Variants in TRIP10 observed in about 807,000 individuals in gnomAD.
TRIP10 encodes cdc42-interacting protein 4.
Under a neutral mutation model 80.9 loss-of-function variants are expected in TRIP10, and 54 were observed. The observed-to-expected ratio is 0.67, with a 90% CI of 0.54 to 0.84. TRIP10 has a LOEUF of 0.84. TRIP10 is among the 40% of genes least tolerant of loss of function. The pLI, the probability that TRIP10 is intolerant of heterozygous loss-of-function variation, is 0.00. For synonymous variants in TRIP10, 321 were observed against 307.2 expected (o/e 1.04, Z -0.47); for missense variants, 773 against 815.3 (o/e 0.95, Z 0.63).
In TRIP10 at chr19:6,743,502, T is replaced by C. The variant is rs1403752232; in HGVS notation, c.417T>C (p.Arg139=). The change falls in exon 6 of 15, where the codon CGT becomes CGC. Residue 139 remains arginine (R), a synonymous_variant. Coordinates refer to ENST00000313244, the MANE Select transcript of TRIP10 (RefSeq NM_001288962.2). ...NGFKQLENSK[R]KFERDCREAE... The stretch of plus-strand genomic sequence containing the variant: ...TTCTGTCCCCTACACAGAGTAAGCG[T>C]AAATTTGAGCGGGACTGCCGGGAGG... 6.2e-7 allele frequency: 1 copy of C among 1,612,920 alleles called. No homozygotes were observed. The highest frequency in any genetic ancestry group is 1.3e-5 in the African/African-American group (1 of 74,574).
At chr19:6,741,819 G>GTTGTT (rs374674247) in intron 3 of TRIP10, among the ~76,000 whole-genome samples, 2 of 151,970 alleles carry the variant, frequency 1.3e-5, no homozygotes, top group Non-Finnish European at 2.9e-5. Context: ...GTTAATTGTA[G>GTTGTT]TTGTTTTGTT....
chr19:6,741,217 C>T lies in TRIP10; in HGVS notation c.141-8C>T. 2 of 1,612,606 alleles carry T rather than the reference C, an allele frequency of 1.2e-6. No individual in the cohort carries two copies. Among genetic ancestry groups the T allele is most frequent in the East Asian group, 2.2e-5 (1 of 44,834 alleles). ...GGGCTCAGCCCTCCTACCTCTGTCT[C>T]CCCTTAGGAGCCTGGTGAAAAAATA... On this transcript the variant is annotated splice_region_variant and splice_polypyrimidine_tract_variant and intron_variant, in intron 2 of 14. Transcript: ENST00000313244.
At chr19:6,740,980 C>A (rs755940023) in intron 1 of TRIP10, 30 bp from the exon 2 acceptor site, 2 of 1,593,606 alleles carry the variant, frequency 1.3e-6, no homozygotes, top group African/African-American at 1.3e-5. Flanking sequence ...CGGCCCCTCT[C>A]CCCTCCTCCC....
rs1247942534 is a variant in TRIP10, at chr19:6,745,082, GAA to G, written c.984+89_984+90del. On this transcript the variant is annotated intron_variant, in intron 9 of 14. Transcript: ENST00000313244. This position sits in a 1 kb window ranked among gnomAD's most constrained non-coding sequence, Gnocchi z 7.2. ...CCTATTGAGTCAGCCCCAGCCGCCT[GAA>G]CGCCGAGTCTCGGGCAGGAATTTTC... The G allele has an allele frequency of 4.1e-6, 6 of 1,468,932 alleles. No individual in the cohort carries two copies. In the African/African-American group the frequency reaches 8.5e-5, roughly 21 times the overall value. 91.0% of individuals were successfully genotyped at this position (1,468,932 alleles called of 1,614,324 possible). A position where few individuals can be genotyped will look rare whatever the true frequency, so the allele number is the denominator to read the frequency against.
At chr19:6,742,304 C>T (rs974696269) in intron 3 of TRIP10, among the ~76,000 whole-genome samples, 4 of 151,678 alleles carry the variant, frequency 2.6e-5, no homozygotes, top group South Asian at 2.1e-4. Context: ...GCATGAGAAT[C>T]GCTTGAACCC....
rs1969189411 is a variant in TRIP10, at chr19:6,748,065, C to G, written c.1262+1504C>G. 2.0e-5 allele frequency among the ~76,000 whole-genome samples: 3 copies of G among 151,980 alleles called. No individual in the cohort carries two copies. In the East Asian group the frequency reaches 5.8e-4, roughly 29 times the overall value. On this transcript the variant is annotated intron_variant, in intron 11 of 14. Transcript: ENST00000313244. ...GTTCAATATCAAAAAATGTATCCAT[C>G]TAGTTCACCACATTAATTGGCTAAA...
At position 6,745,607 on chromosome 19, in the gene TRIP10, G is replaced by C. The variant is rs1969094582; in HGVS notation, c.985-422G>C. ...CCTCTGTGGCCTCTTACCTGTCTGA[G>C]ACCTTGATTCCTGCATGCGTCTTCT... is the stretch of plus-strand genomic sequence containing the variant. On this transcript the variant is annotated intron_variant, in intron 9 of 14. Transcript: ENST00000313244. The surrounding 1 kb of genome is among the most constrained non-coding windows in gnomAD (Gnocchi z 7.2). 3 of 985,080 alleles carry C rather than the reference G, an allele frequency of 3.0e-6. No individual in the cohort carries two copies. The highest frequency in any genetic ancestry group is 3.6e-6 in the Non-Finnish European group (3 of 829,920). The allele number at this position is 985,080 out of a possible 1,614,324, so 61.0% of individuals were successfully genotyped here. A position where few individuals can be genotyped will look rare whatever the true frequency, so the allele number is the denominator to read the frequency against.
chr19:6,746,004 C>T lies in TRIP10; in HGVS notation c.985-25C>T, dbSNP rs1196367788. The T allele has an allele frequency of 1.0e-5, 6 of 581,678 alleles. No individual in the cohort carries two copies. The highest frequency in any genetic ancestry group is 2.3e-5 in the African/African-American group (1 of 44,186). The allele number at this position is 581,678 out of a possible 1,614,324, so 36.0% of individuals were successfully genotyped here. ...ATGCCCCCCCACCCCTTCAACCTATCCCCCTCCCCGGCCCCCGCCGGTAGC... is the reference window on the plus strand; with the variant it reads ...ATGCCCCCCCACCCCTTCAACCTATTCCCCTCCCCGGCCCCCGCCGGTAGC... On this transcript the variant is annotated intron_variant, in intron 9 of 14. Transcript: ENST00000313244. The surrounding 1 kb of genome is among the most constrained non-coding windows in gnomAD (Gnocchi z 6.2).
At position 6,746,241 on chromosome 19, in the gene TRIP10, C is replaced by T. The variant is rs1969127874; in HGVS notation, c.1152+45C>T. ...AGGAGGAGGTGGTGGCCCTAGCCTG[C>T]CCAGCGGCGGGTGGCGGGACCCTGG... is the stretch of plus-strand genomic sequence containing the variant. On this transcript the variant is annotated intron_variant, in intron 10 of 14. Transcript: ENST00000313244. The surrounding 1 kb of genome is among the most constrained non-coding windows in gnomAD (Gnocchi z 6.2). 6.7e-7 allele frequency: 1 copy of T among 1,491,130 alleles called. No individual in the cohort carries two copies. Among genetic ancestry groups the T allele is most frequent in the African/African-American group, 1.4e-5 (1 of 71,480 alleles). The allele number at this position is 1,491,130 out of a possible 1,614,324, so 92.4% of individuals were successfully genotyped here. A position where few individuals can be genotyped will look rare whatever the true frequency, so the allele number is the denominator to read the frequency against.
chr19:6,744,442 C>G lies in TRIP10; in HGVS notation c.643-112C>G. Reference sequence around the variant, plus strand: ...TCCCGACTCTGTCTTCCCCTCCAGACTGGCTTGGGGCTGGGGCCAGCGTGG... The same window carrying G: ...TCCCGACTCTGTCTTCCCCTCCAGAGTGGCTTGGGGCTGGGGCCAGCGTGG... On this transcript the variant is annotated intron_variant, in intron 7 of 14. Transcript: ENST00000313244. The surrounding 1 kb of genome is among the most constrained non-coding windows in gnomAD (Gnocchi z 4.9). The G allele has an allele frequency of 6.8e-7, 1 of 1,474,928 alleles. No individual in the cohort carries two copies. The highest frequency in any genetic ancestry group is 1.8e-5 in the Admixed American group (1 of 55,326). 91.4% of individuals were successfully genotyped at this position (1,474,928 alleles called of 1,614,324 possible).
rs1318185825 is a variant in TRIP10 at position 6,750,381 on chromosome 19, C to T, written c.1485C>T (p.Ser495=). The T allele has an allele frequency of 6.8e-6, 11 of 1,614,032 alleles. No individual in the cohort carries two copies. Among genetic ancestry groups the T allele is most frequent in the Admixed American group, 1.7e-5 (1 of 60,008 alleles). ...CCCGGCCTCCCGACCCCCCCGCTAG[C>T]GCCCCGCCAGACAGCAGCAGCAACA... ...RHARPPDPPA[S]APPDSSSNSA... is the part of the protein sequence containing the mutation. The change falls in exon 13 of 15, where the codon AGC becomes AGT. Residue 495 remains serine (S), a synonymous_variant. Transcript: ENST00000313244.
chr19:6,751,053 C>G lies in TRIP10; in HGVS notation c.1658-10C>G. On this transcript the variant is annotated splice_polypyrimidine_tract_variant and intron_variant, in intron 14 of 14. Transcript: ENST00000313244. ...AAGCAGATCTGGGCCCACCCCCACC[C>G]CCATCACAGGGTCCAGCGAGGGCAC... 6.5e-7 allele frequency: 1 copy of G among 1,527,312 alleles called. No individual in the cohort carries two copies. The highest frequency in any genetic ancestry group is 1.4e-5 in the African/African-American group (1 of 71,448). The allele number at this position is 1,527,312 out of a possible 1,614,324, so 94.6% of individuals were successfully genotyped here. A position where few individuals can be genotyped will look rare whatever the true frequency, so the allele number is the denominator to read the frequency against.
intron 12 of TRIP10, 47 bp downstream of exon 12, chr19:6,750,113 A>T (rs1969238275): frequency 3.5e-6 from 2 of 577,934 alleles, no homozygotes; most frequent in African/African-American, 6.1e-5. Context: ...GGCCTGGCTG[A>T]GTCACTGCTG....
In TRIP10 at chr19:6,751,232, A is replaced by T; in HGVS notation, c.*21A>T. 1 of 1,613,586 alleles carries T rather than the reference A, an allele frequency of 6.2e-7. No homozygotes were observed. Among genetic ancestry groups the T allele is most frequent in the Non-Finnish European group, 8.5e-7 (1 of 1,179,882 alleles). ...ATTGAACCCTGCCAGAGACGGGAAG[A>T]GGGGGGCTGTCGGCTGCTGCTTCTG... On this transcript the variant is annotated 3_prime_UTR_variant, in exon 15 of 15. Coordinates refer to ENST00000313244, the MANE Select transcript of TRIP10 (RefSeq NM_001288962.2).
chr19:6,740,802 G>C (rs1968891893), intron 1 of TRIP10: 1 of 560,488 alleles, frequency 1.8e-6, no homozygotes, highest in Non-Finnish European at 3.2e-6. Flanking sequence ...GGGCCTGGGC[G>C]CTGTTCTCCG....
Position 6,744,559 on chromosome 19 carries a change from C to T in TRIP10, c.648C>T (p.Leu216=). The T allele has an allele frequency of 1.9e-6, 3 of 1,614,138 alleles. No individual in the cohort carries two copies. The highest frequency in any genetic ancestry group is 2.5e-6 in the Non-Finnish European group (3 of 1,180,040). The change falls in exon 8 of 15, where the codon CTC becomes CTT. Residue 216 remains leucine (L), a synonymous_variant. Transcript: ENST00000313244. The surrounding 1 kb of genome is among the most constrained non-coding windows in gnomAD (Gnocchi z 4.9). The part of the protein sequence containing the change: ...FSQMPQIFDK[L]QDMDERRATR... The stretch of plus-strand genomic sequence containing the variant: ...CCTTGTCCCTGTCCTTACAGAAGCT[C>T]CAAGACATGGATGAACGCAGGGCCA...
At position 6,743,539 on chromosome 19, in the gene TRIP10, G is replaced by A. The variant is rs1968992434; in HGVS notation, c.454G>A (p.Ala152Thr). ...ERDCREAEKAAQTAERLDQDI... is the reference protein window; with the variant it reads ...ERDCREAEKATQTAERLDQDI... ...GGACTGCCGGGAGGCAGAGAAGGCA[G>A]CCCAGACTGCTGAACGGCTAGACCA... The change falls in exon 6 of 15, where the codon GCC becomes ACC. Residue 152 changes from alanine to threonine, a missense_variant. Physicochemically the swap from Ala to Thr is moderately conservative, Grantham distance 58. Transcript: ENST00000313244. The A allele has an allele frequency of 2.6e-6, 4 of 1,560,310 alleles. No homozygotes were observed. Among genetic ancestry groups the A allele is most frequent in the Non-Finnish European group, 3.5e-6 (4 of 1,149,342 alleles).
At chr19:6,740,832 G>C (rs1968892886) in intron 1 of TRIP10, 178 bp from the exon 2 acceptor site, 2 of 589,814 alleles carry the variant, frequency 3.4e-6, no homozygotes, top group Admixed American at 3.1e-5. Context: ...GGGAAGGGGA[G>C]GGGGTTCCCG....
At chr19:6,739,907 G>GCCCTCCA in intron 1 of TRIP10, 122 bp downstream of exon 1, 5 of 1,172,576 alleles carry the variant, frequency 4.3e-6, no homozygotes, top group Non-Finnish European at 5.5e-6. Flanking sequence ...CTGGGTCCCC[G>GCCCTCCA]CCCTCCACCC....
Sources: allele counts gnomAD v4.1 joint callset (sites outside exome capture counted in the v4.1 genomes callset), GRCh38; gene constraint gnomAD v4.1.1; non-coding constraint Gnocchi (gnomAD v3.1); transcripts MANE v1.5; gene names NCBI Gene and HGNC (gene_info 2026-07-23, HGNC 2026-07-21).